EGFR: variants seen among roughly 807,000 people sequenced by gnomAD.
EGFR encodes the protein epidermal growth factor receptor, also known as avian erythroblastic leukemia viral (v-erb-b) oncogene homolog.
A neutral mutation model predicts 143.0 loss-of-function variants in EGFR; 58 were observed. The ratio of observed to expected loss-of-function variants is 0.41; its 90% CI spans 0.33 to 0.50. The LOEUF (loss-of-function observed/expected upper bound fraction) is 0.50, where lower values mean the gene tolerates loss of function less well. EGFR is among the 20% of genes least tolerant of loss of function. The pLI, the probability that EGFR is intolerant of heterozygous loss-of-function variation, is 0.39. For synonymous variants in EGFR, 613 were observed against 594.4 expected, an observed-to-expected ratio of 1.03 and a Z score of -0.45; for missense variants, 1,307 against 1,579.0, an observed-to-expected ratio of 0.83 and a Z score of 2.92.
chr7:55,148,693 T>C (rs80094282), intron 4 of EGFR, among the ~76,000 whole-genome samples: 2,615 of 152,296 alleles, frequency 0.017, 81 homozygotes, highest in African/African-American at 0.061. Flanking sequence ...TTAGTCGCAT[T>C]GGAGAGTGCA....
chr7:55,026,915 G>A (rs1000606275), intron 1 of EGFR, among the ~76,000 whole-genome samples: 5 of 151,692 alleles, frequency 3.3e-5, no homozygotes, highest in Admixed American at 1.3e-4. Flanking sequence ...GGCTTTCAGC[G>A]GGCCCAGCAT....
In EGFR at chr7:55,205,783, C is replaced by T; in HGVS notation, c.*166C>T. ...AGCCAGGAAGTACTTCCACCTCGGG[C>T]ACATTTTGGGAAGTTGCATTCCTTT... On this transcript the variant is annotated 3_prime_UTR_variant, in exon 28 of 28. Coordinates refer to ENST00000275493, the MANE Select transcript of EGFR (RefSeq NM_005228.5). 1 of 1,047,510 alleles carries T rather than the reference C, an allele frequency of 9.5e-7. No homozygotes were observed. Among genetic ancestry groups the T allele is most frequent in the South Asian group, 1.5e-5 (1 of 66,952 alleles). 64.9% of individuals were successfully genotyped at this position (1,047,510 alleles called of 1,614,324 possible). A position where few individuals can be genotyped will look rare whatever the true frequency, so the allele number is the denominator to read the frequency against.
intron 20 of EGFR, chr7:55,181,820 T>C: frequency 2.7e-6 from 1 of 369,832 alleles, no homozygotes; most frequent in South Asian, 2.4e-5. Flanking sequence ...GCTTCCCCCA[T>C]TCAGGACTTG....
intron 1 of EGFR, among the ~76,000 whole-genome samples, chr7:55,090,607 T>A (rs1791053119): frequency 1.3e-5 from 2 of 152,166 alleles, no homozygotes; most frequent in Admixed American, 1.3e-4. Context: ...ACCTGAAAGT[T>A]TCACCTAATC....
At chr7:55,157,830 C>T in intron 11 of EGFR, 77 bp downstream of exon 11, 3 of 1,411,242 alleles carry the variant, frequency 2.1e-6, no homozygotes, top group Non-Finnish European at 3.0e-6. Context: ...AGGAGAGTTG[C>T]TAAGATAGGG....
At chr7:55,051,501 C>T (rs997448961) in intron 1 of EGFR, among the ~76,000 whole-genome samples, 82 of 136,988 alleles carry the variant, frequency 6.0e-4, no homozygotes, top group Middle Eastern at 3.6e-3. Context: ...TGCCTTCTGC[C>T]GTGGGGTGAC....
At chr7:55,055,168 C>T (rs565597886) in intron 1 of EGFR, among the ~76,000 whole-genome samples, 36 of 152,178 alleles carry the variant, frequency 2.4e-4, no homozygotes, top group Admixed American at 2.4e-3. Flanking sequence ...CTTCCCACCC[C>T]CTGCTCATCT....
In EGFR at chr7:55,205,854, A is replaced by G; in HGVS notation, c.*237A>G. 1.7e-6 allele frequency: 1 copy of G among 586,022 alleles called. No homozygotes were observed. The highest frequency in any genetic ancestry group is 3.0e-6 in the Non-Finnish European group (1 of 332,654). 36.3% of individuals were successfully genotyped at this position (586,022 alleles called of 1,614,324 possible). On this transcript the variant is annotated 3_prime_UTR_variant, in exon 28 of 28. Transcript: ENST00000275493. ...TTACAGAAACGCATCCAGCAAGAAT[A>G]TTGTCCCTTTGAGCAGAAATTTATC...
intron 1 of EGFR, among the ~76,000 whole-genome samples, chr7:55,092,972 A>C (rs1177778325): frequency 1.3e-5 from 2 of 152,240 alleles, no homozygotes; most frequent in Non-Finnish European, 2.9e-5. Context: ...TAAAGTCTGA[A>C]AGCCACATGG....
intron 1 of EGFR, among the ~76,000 whole-genome samples, chr7:55,077,412 T>C (rs1164119071): frequency 6.6e-6 from 1 of 152,228 alleles, no homozygotes; most frequent in Admixed American, 6.5e-5. Context: ...TAAATCATAG[T>C]ACAATTTCAT....
intron 1 of EGFR, among the ~76,000 whole-genome samples, chr7:55,104,894 A>T (rs1463193953): frequency 1.3e-5 from 2 of 152,226 alleles, no homozygotes; most frequent in Non-Finnish European, 2.9e-5. Flanking sequence ...GCTTCATTTG[A>T]TCCAATGCAG....
intron 1 of EGFR, among the ~76,000 whole-genome samples, chr7:55,108,363 G>A (rs983502101): frequency 6.6e-6 from 1 of 152,212 alleles, no homozygotes; most frequent in Non-Finnish European, 1.5e-5. Flanking sequence ...TGTGCAGAGG[G>A]GTCCGAGAGT....
intron 1 of EGFR, chr7:55,119,529 T>C (rs1562731146): frequency 6.6e-6 from 1 of 152,226 alleles, no homozygotes; most frequent in Non-Finnish European, 1.5e-5. Context: ...TCTTCTCCTG[T>C]TTAAAGCCTG....
intron 16 of EGFR, among the ~76,000 whole-genome samples, chr7:55,172,303 C>T (rs1006792997): frequency 6.6e-6 from 1 of 152,192 alleles, no homozygotes; most frequent in African/African-American, 2.4e-5. Flanking sequence ...AGTGAGCTGG[C>T]ACATGTGGCT....
chr7:55,061,649 T>TGTGAGAGAGAGA (rs1432070752), intron 1 of EGFR, among the ~76,000 whole-genome samples: 8 of 132,816 alleles, frequency 6.0e-5, no homozygotes, highest in Admixed American at 2.3e-4. Flanking sequence ...TGTGTGTGTG[T>TGTGAGAGAGAGA]GAGAGAGAGA....
rs1786417207 is a variant in EGFR, at chr7:55,172,919, G to A, written c.1920-64G>A. ...GCACTGAAACATGCAGGGGCGTGTT[G>A]AGTGCCAAGGCCATGGAATCTGTCA... On this transcript the variant is annotated intron_variant, in intron 16 of 27. Coordinates refer to ENST00000275493, the MANE Select transcript of EGFR (RefSeq NM_005228.5). 3.1e-6 allele frequency: 5 copies of A among 1,613,676 alleles called. No homozygotes were observed. The East Asian group carries it at 1.1e-4, about 36-fold the overall frequency.
intron 1 of EGFR, among the ~76,000 whole-genome samples, chr7:55,097,138 C>A (rs1791526185): frequency 6.6e-6 from 1 of 152,330 alleles, no homozygotes; most frequent in East Asian, 1.9e-4. Flanking sequence ...TGTCAAAATA[C>A]ATATTTCTGT....
intron 15 of EGFR, among the ~76,000 whole-genome samples, chr7:55,170,051 T>G (rs1004436633): frequency 2.0e-5 from 3 of 152,018 alleles, no homozygotes; most frequent in African/African-American, 7.2e-5. Flanking sequence ...AGTAACGAGG[T>G]CTCCTGTATA....
At chr7:55,178,213 G>A (rs997618998) in intron 19 of EGFR, among the ~76,000 whole-genome samples, 2 of 152,364 alleles carry the variant, frequency 1.3e-5, no homozygotes, top group African/African-American at 2.4e-5. Flanking sequence ...AAAATAGGAA[G>A]AGCCAGAGGG....
Sources: allele counts gnomAD v4.1 joint callset (sites outside exome capture counted in the v4.1 genomes callset), GRCh38; gene constraint gnomAD v4.1.1; transcripts MANE v1.5; gene names NCBI Gene and HGNC (gene_info 2026-07-23, HGNC 2026-07-21).